The following FAR1 variants were observed in gnomAD, a reference collection of about 807,000 sequenced individuals.
FAR1 encodes the protein male sterility domain-containing protein 2.
In FAR1, 22 loss-of-function variants were observed where a neutral mutation model predicts 61.1. That is an observed-to-expected ratio of 0.36 (90% CI 0.26 to 0.51). FAR1 has a LOEUF of 0.51. Among genes scored for constraint, FAR1 ranks in the 20% least tolerant of loss-of-function variants. FAR1 has a pLI of 0.95. For missense variants in FAR1, 359 were observed against 626.9 expected (o/e 0.57, Z 4.56); for synonymous variants, 206 against 209.7 (o/e 0.98, Z 0.15).
intron 1 of FAR1, among the ~76,000 whole-genome samples, chr11:13,670,828 C>T (rs958490499): frequency 2.7e-5 from 4 of 150,884 alleles, no homozygotes; most frequent in Admixed American, 6.6e-5. Context: ...GAGGCAGAGA[C>T]TGAGGTCAGA....
chr11:13,723,337 C>G (rs1303558724), intron 10 of FAR1: 1 of 359,884 alleles, frequency 2.8e-6, no homozygotes, highest in Non-Finnish European at 5.1e-6. Context: ...TGCACTCCAG[C>G]TTGAACAATA....
At chr11:13,706,669 A>G (rs1271302081) in intron 3 of FAR1, among the ~76,000 whole-genome samples, 1 of 152,172 alleles carries the variant, frequency 6.6e-6, no homozygotes, top group Non-Finnish European at 1.5e-5. Flanking sequence ...AAATAACAAT[A>G]TATTGATATT....
intron 1 of FAR1, among the ~76,000 whole-genome samples, chr11:13,673,993 G>C (rs1303596813): frequency 6.6e-6 from 1 of 152,104 alleles, no homozygotes. Context: ...ACATTACAGT[G>C]TACAGAAAAG....
At chr11:13,716,699 T>A (rs796757385) in intron 9 of FAR1, among the ~76,000 whole-genome samples, 3 of 152,328 alleles carry the variant, frequency 2.0e-5, no homozygotes, top group African/African-American at 7.2e-5. Flanking sequence ...TCATGCAGCA[T>A]CACTTTTGCC....
At chr11:13,706,894 C>G (rs1848438485) in intron 3 of FAR1, among the ~76,000 whole-genome samples, 1 of 152,016 alleles carries the variant, frequency 6.6e-6, no homozygotes, top group South Asian at 2.1e-4. Flanking sequence ...CATTATTGTT[C>G]CCATTTCCAG....
At chr11:13,678,730 T>TG (rs1848094547) in intron 1 of FAR1, among the ~76,000 whole-genome samples, 1 of 152,040 alleles carries the variant, frequency 6.6e-6, no homozygotes, top group East Asian at 1.9e-4. Context: ...GGGTCTTTTT[T>TG]TTGTTTTTTA....
At chr11:13,718,678 T>A (rs1848578807) in intron 9 of FAR1, among the ~76,000 whole-genome samples, 1 of 152,218 alleles carries the variant, frequency 6.6e-6, no homozygotes, top group Non-Finnish European at 1.5e-5. Flanking sequence ...AAACTTAGTG[T>A]CTTAAAGCAA....
intron 2 of FAR1, 147 bp downstream of exon 2, chr11:13,695,101 G>A (rs778712327): frequency 1.1e-5 from 7 of 625,016 alleles, no homozygotes; most frequent in African/African-American, 1.9e-5. Flanking sequence ...CCTACAGGAT[G>A]GCAAGAAACT....
chr11:13,683,917 T>C (rs1029602383), intron 1 of FAR1, among the ~76,000 whole-genome samples: 4 of 152,218 alleles, frequency 2.6e-5, no homozygotes, highest in African/African-American at 7.2e-5. Context: ...CTTACAAATA[T>C]ACCTGTTGTG....
Position 13,731,781 on chromosome 11 carries a change from A to G in FAR1, c.*3007A>G, listed in dbSNP as rs1464241638. The G allele has an allele frequency of 6.6e-6, 1 of 152,162 alleles. No individual in the cohort carries two copies. Among genetic ancestry groups the G allele is most frequent in the Non-Finnish European group, 1.5e-5 (1 of 68,028 alleles). 9.4% of individuals were successfully genotyped at this position (152,162 alleles called of 1,614,324 possible). On this transcript the variant is annotated 3_prime_UTR_variant, in exon 12 of 12. Transcript: ENST00000354817. ...GTAACCAAGATACCTCCAGGGTGTC[A>G]TTGGGTTCCAGCTGCTCTCCTCCAC...
intron 3 of FAR1, among the ~76,000 whole-genome samples, chr11:13,702,486 A>G (rs1848387550): frequency 6.6e-6 from 1 of 152,152 alleles, no homozygotes; most frequent in African/African-American, 2.4e-5. Flanking sequence ...TTGTGTGTGT[A>G]TATTTTTGTA....
intron 1 of FAR1, among the ~76,000 whole-genome samples, chr11:13,678,942 T>G (rs1848097059): frequency 6.6e-6 from 1 of 152,186 alleles, no homozygotes; most frequent in African/African-American, 2.4e-5. Context: ...AGCATATATA[T>G]GAAGCATACA....
At chr11:13,676,391 TC>T (rs1848069553) in intron 1 of FAR1, among the ~76,000 whole-genome samples, 1 of 152,112 alleles carries the variant, frequency 6.6e-6, no homozygotes, top group South Asian at 2.1e-4. Context: ...TACCTTTTTT[TC>T]CCCCAGAAGT....
intron 1 of FAR1, among the ~76,000 whole-genome samples, chr11:13,670,393 A>T (rs1378956280): frequency 6.6e-6 from 1 of 152,128 alleles, no homozygotes; most frequent in East Asian, 1.9e-4. Flanking sequence ...GGTTCAAGTG[A>T]TCAGCTCTTG....
At chr11:13,698,833 A>G (rs982890138) in intron 2 of FAR1, among the ~76,000 whole-genome samples, 2 of 151,740 alleles carry the variant, frequency 1.3e-5, no homozygotes, top group African/African-American at 4.8e-5. Flanking sequence ...TCCGTCTCAA[A>G]AAAAAAAAAA....
At chr11:13,700,595 A>T (rs1049865096) in intron 3 of FAR1, 103 bp downstream of exon 3, 1 of 706,432 alleles carries the variant, frequency 1.4e-6, no homozygotes, top group African/African-American at 1.9e-5. Flanking sequence ...GTGATTTGAT[A>T]CTATTTGCCT....
At chr11:13,677,187 A>C (rs1848076863) in intron 1 of FAR1, among the ~76,000 whole-genome samples, 1 of 152,214 alleles carries the variant, frequency 6.6e-6, no homozygotes, top group Non-Finnish European at 1.5e-5. Context: ...TTATACCATA[A>C]TGTTTTTACT....
intron 1 of FAR1, among the ~76,000 whole-genome samples, chr11:13,681,783 T>C (rs556209622): frequency 1.2e-4 from 18 of 152,120 alleles, no homozygotes; most frequent in Non-Finnish European, 2.2e-4. Context: ...AATAAAATGG[T>C]GGTTGTTTTA....
chr11:13,708,519 G>T (rs1406061995), intron 4 of FAR1, among the ~76,000 whole-genome samples: 1 of 149,912 alleles, frequency 6.7e-6, no homozygotes, highest in Non-Finnish European at 1.5e-5. Flanking sequence ...CATATCCCCT[G>T]CATTCTTATT....
Sources: allele counts gnomAD v4.1 joint callset (sites outside exome capture counted in the v4.1 genomes callset), GRCh38; gene constraint gnomAD v4.1.1; transcripts MANE v1.5; gene names NCBI Gene and HGNC (gene_info 2026-07-23, HGNC 2026-07-21).